Variants in DPF3 observed in about 807,000 individuals in gnomAD.
The protein encoded by DPF3 is zinc finger protein DPF3.
DPF3 carries 18 observed loss-of-function variants against 56.8 expected under a neutral mutation model. The ratio of observed to expected loss-of-function variants is 0.32; its 90% CI spans 0.22 to 0.47. The LOEUF is 0.47. Ranked by LOEUF, DPF3 falls within the 20% of genes least tolerant of loss-of-function variation. The pLI, the probability that DPF3 is intolerant of heterozygous loss-of-function variation, is 1.00. For synonymous variants in DPF3, 188 were observed against 180.2 expected (o/e 1.04, Z -0.35); for missense variants, 403 against 488.8 (o/e 0.82, Z 1.65).
chr14:72,710,394 A>G (rs948009358), intron 6 of DPF3, among the ~76,000 whole-genome samples: 25 of 152,258 alleles, frequency 1.6e-4, no homozygotes, highest in African/African-American at 6.0e-4. Flanking sequence ...TAAAACACTG[A>G]TGCAAGCCAG....
chr14:72,773,874 G>A, intron 1 of DPF3: 1 of 455,614 alleles, frequency 2.2e-6, no homozygotes, highest in Non-Finnish European at 4.4e-6. Flanking sequence ...TCCATTGTAT[G>A]CATATACCAC....
At chr14:72,828,537 T>TAAAAAAAAAAAAAAAA (rs3058950) in intron 1 of DPF3, among the ~76,000 whole-genome samples, 11 of 86,984 alleles carry the variant, frequency 1.3e-4, no homozygotes, top group African/African-American at 2.7e-4. Flanking sequence ...GACCATGTCT[T>TAAAAAAAAAAAAAAAA]AAAAAAAAAA....
At chr14:72,838,559 A>C (rs1352257726) in intron 1 of DPF3, among the ~76,000 whole-genome samples, 1 of 151,358 alleles carries the variant, frequency 6.6e-6, no homozygotes, top group Non-Finnish European at 1.5e-5. Flanking sequence ...CTTATTACAT[A>C]AAAATGGCAA....
At chr14:72,670,125 C>T (rs375308159) in intron 8 of DPF3, 45 of 985,818 alleles carry the variant, frequency 4.6e-5, no homozygotes, top group East Asian at 3.4e-4. Flanking sequence ...AGAAGAAATA[C>T]GGTAGCCTTG....
intron 5 of DPF3, among the ~76,000 whole-genome samples, chr14:72,717,980 T>C (rs1435937212): frequency 6.6e-6 from 1 of 152,218 alleles, no homozygotes; most frequent in East Asian, 1.9e-4. Context: ...AGTAGTCACC[T>C]GATTCAAGCT....
chr14:72,618,821 C>G lies in DPF3; in HGVS notation c.*476G>C, dbSNP rs1884245382. Among the ~76,000 whole-genome samples the G allele has an allele frequency of 6.6e-6, 1 of 152,226 alleles. No individual in the cohort carries two copies. Among genetic ancestry groups the G allele is most frequent in the Non-Finnish European group, 1.5e-5 (1 of 68,028 alleles). On this transcript the variant is annotated 3_prime_UTR_variant, in exon 11 of 11. Coordinates refer to ENST00000556509, the MANE Select transcript of DPF3 (RefSeq NM_001280542.3). ...CAGTGAGGCTTGCCATAAACGACAA[C>G]TTCTCCACAGCCCTTTGTTCCTCAG...
chr14:72,778,572 G>A (rs1334813182), intron 1 of DPF3, among the ~76,000 whole-genome samples: 3 of 152,166 alleles, frequency 2.0e-5, no homozygotes, highest in South Asian at 2.1e-4. Context: ...TAAATGTAAT[G>A]CACTTGAATC....
rs577789631 is a variant in DPF3, at chr14:72,830,148, G to C, written c.33-58255C>G. On this transcript the variant is annotated intron_variant, in intron 1 of 10. Coordinates refer to ENST00000556509, the MANE Select transcript of DPF3 (RefSeq NM_001280542.3). ...ATTGTTTCTTAAAAGAAAGAACATT[G>C]AATACATATCCCCAAAGTCAGGATA... 2.0e-5 allele frequency among the ~76,000 whole-genome samples: 3 copies of C among 152,288 alleles called. No individual in the cohort carries two copies. In the South Asian group the frequency reaches 6.2e-4, roughly 32 times the overall value.
chr14:72,688,152 TGATGGATG>T (rs1208372778), intron 7 of DPF3, among the ~76,000 whole-genome samples: 5,108 of 104,250 alleles, frequency 0.049, 244 homozygotes, highest in African/African-American at 0.12. Context: ...ATGAGATGGA[TGATGGATG>T]GATGGATGGA....
intron 1 of DPF3, among the ~76,000 whole-genome samples, chr14:72,832,405 G>A (rs1884097496): frequency 6.6e-6 from 1 of 152,052 alleles, no homozygotes; most frequent in African/African-American, 2.4e-5. Flanking sequence ...GAAATCCAGA[G>A]GTTAAAGGGG....
At chr14:72,882,492 GT>G (rs35328683) in intron 1 of DPF3, among the ~76,000 whole-genome samples, 5 of 152,138 alleles carry the variant, frequency 3.3e-5, no homozygotes, top group African/African-American at 1.2e-4. Context: ...GGGGGAAAGT[GT>G]TTTTTTCTCC....
intron 1 of DPF3, among the ~76,000 whole-genome samples, chr14:72,855,469 G>A (rs1205443712): frequency 1.3e-5 from 2 of 152,220 alleles, no homozygotes; most frequent in East Asian, 3.8e-4. Context: ...ATGGTCTGTA[G>A]AAGAAGCATT....
At chr14:72,788,715 G>T (rs1239250322) in intron 1 of DPF3, among the ~76,000 whole-genome samples, 1 of 152,128 alleles carries the variant, frequency 6.6e-6, no homozygotes, top group Non-Finnish European at 1.5e-5. Flanking sequence ...TGCCTCTCCA[G>T]TCTAGGGGGA....
At position 72,672,052 on chromosome 14, in the gene DPF3, C is replaced by CAT. The variant is rs1211634237; in HGVS notation, c.871+2187_871+2188insAT. ...CACCACACACACACACACACACACA[C>CAT]ACACACAGACACACACACACACACA... On this transcript the variant is annotated intron_variant, in intron 8 of 10. Transcript: ENST00000556509. 5.4e-3 allele frequency among the ~76,000 whole-genome samples: 638 copies of CAT among 119,136 alleles called. 6 individuals carry two copies. Among genetic ancestry groups the CAT allele is most frequent in the African/African-American group, 0.021 (612 of 29,642 alleles). The allele number at this position is 119,136 out of a possible 152,430, so 78.2% of individuals were successfully genotyped here.
In DPF3 at chr14:72,697,946, G is replaced by A. The variant is rs1330733300; in HGVS notation, c.605-4733C>T. Among the ~76,000 whole-genome samples the A allele has an allele frequency of 2.0e-5, 3 of 152,196 alleles. No homozygotes were observed. The East Asian group carries it at 5.8e-4, about 29-fold the overall frequency. On this transcript the variant is annotated intron_variant, in intron 6 of 10. Transcript: ENST00000556509. ...CGTTCTGCCTCCACACAGCCCTTCT[G>A]CTCGCTGGCCTTTTCGTTTATTATA...
chr14:72,668,484 C>T (rs919077800), intron 8 of DPF3, among the ~76,000 whole-genome samples: 1 of 152,150 alleles, frequency 6.6e-6, no homozygotes, highest in Non-Finnish European at 1.5e-5. Flanking sequence ...ATATCAACTA[C>T]CTCCAAGAAG....
intron 9 of DPF3, among the ~76,000 whole-genome samples, chr14:72,621,516 C>A (rs903759760): frequency 6.6e-6 from 1 of 152,118 alleles, no homozygotes; most frequent in African/African-American, 2.4e-5. Flanking sequence ...GCAATGAGGG[C>A]TTTTTTTGTC....
chr14:72,881,491 G>C (rs1033403447), intron 1 of DPF3, among the ~76,000 whole-genome samples: 4 of 152,086 alleles, frequency 2.6e-5, no homozygotes, highest in African/African-American at 7.2e-5. Flanking sequence ...CTGGGAAGAC[G>C]GCCTTCTTCG....
At chr14:72,651,963 G>A (rs886516709) in intron 8 of DPF3, among the ~76,000 whole-genome samples, 23 of 152,170 alleles carry the variant, frequency 1.5e-4, no homozygotes, top group African/African-American at 5.3e-4. Flanking sequence ...CTCACAGCCA[G>A]GATGGGTTCT....
Sources: allele counts gnomAD v4.1 joint callset (sites outside exome capture counted in the v4.1 genomes callset), GRCh38; gene constraint gnomAD v4.1.1; transcripts MANE v1.5; gene names NCBI Gene and HGNC (gene_info 2026-07-23, HGNC 2026-07-21).